PLCL1: variants seen among roughly 807,000 people sequenced by gnomAD.
PLCL1 encodes the protein phospholipase C like 1 (inactive), also known as inactive phospholipase C-like protein 1.
Under a neutral mutation model 84.4 loss-of-function variants are expected in PLCL1, and 41 were observed. That is an observed-to-expected ratio of 0.49 (90% CI 0.38 to 0.63). PLCL1 has a LOEUF of 0.63. Ranked by LOEUF, PLCL1 falls within the 30% of genes least tolerant of loss-of-function variation. The pLI is 0.00. For missense variants in PLCL1, 1,206 were observed against 1,367.8 expected, an observed-to-expected ratio of 0.88 and a Z score of 1.87; for synonymous variants, 490 against 488.3, an observed-to-expected ratio of 1.00 and a Z score of -0.05.
intron 3 of PLCL1, among the ~76,000 whole-genome samples, chr2:198,089,944 A>G (rs1412489021): frequency 6.6e-6 from 1 of 152,214 alleles, no homozygotes; most frequent in African/African-American, 2.4e-5. Flanking sequence ...ACCTCTGATC[A>G]AGAATTTAAG....
intron 1 of PLCL1, among the ~76,000 whole-genome samples, chr2:198,052,940 C>T (rs1691977156): frequency 6.6e-6 from 1 of 152,152 alleles, no homozygotes; most frequent in African/African-American, 2.4e-5. Flanking sequence ...TAAAAGTAAT[C>T]ATATGCTATA....
intron 1 of PLCL1, among the ~76,000 whole-genome samples, chr2:198,057,440 C>T (rs1399761217): frequency 2.6e-5 from 4 of 151,964 alleles, no homozygotes; most frequent in African/African-American, 9.7e-5. Flanking sequence ...TCTCGGTACA[C>T]CTTTAAGGCA....
At chr2:197,987,073 CAA>C (rs949719899) in intron 1 of PLCL1, among the ~76,000 whole-genome samples, 94 of 152,258 alleles carry the variant, frequency 6.2e-4, no homozygotes, top group African/African-American at 2.2e-3. Context: ...AACTCTCCGC[CAA>C]GTTTACTGAA....
chr2:197,806,687 C>T lies in PLCL1; in HGVS notation c.240+1348C>T, dbSNP rs139949335. ...ACTATTTTGTTTTTAACCCACAGGTCAGAAAGCACACTGTTTTCAAACTTA... is the reference window on the plus strand; with the variant it reads ...ACTATTTTGTTTTTAACCCACAGGTTAGAAAGCACACTGTTTTCAAACTTA... On this transcript the variant is annotated intron_variant, in intron 1 of 5. Transcript: ENST00000428675. 1.2e-3 allele frequency among the ~76,000 whole-genome samples: 183 copies of T among 152,270 alleles called. 3 individuals are homozygous for T. Among genetic ancestry groups the T allele is most frequent in the African/African-American group, 4.1e-3 (172 of 41,550 alleles).
In PLCL1 at chr2:198,084,885, T is replaced by C. The variant is rs776092609; in HGVS notation, c.1368T>C (p.Leu456=). ...ATGGTTCAGATAATGAACCAATCCTTTGTAATCGAAATAACATGACAACCC... is the reference window on the plus strand; with the variant it reads ...ATGGTTCAGATAATGAACCAATCCTCTGTAATCGAAATAACATGACAACCC... The part of the protein sequence containing the change: ...VSDGSDNEPI[L]CNRNNMTTHV... The change falls in exon 2 of 6, where the codon CTT becomes CTC. Residue 456 remains leucine, a synonymous_variant. Transcript: ENST00000428675. 4 of 1,614,034 alleles carry C rather than the reference T, an allele frequency of 2.5e-6. No homozygotes were observed. In the South Asian group the frequency reaches 3.3e-5, roughly 13 times the overall value.
intron 1 of PLCL1, among the ~76,000 whole-genome samples, chr2:197,881,124 C>T (rs1687819951): frequency 6.6e-6 from 1 of 152,142 alleles, no homozygotes; most frequent in East Asian, 1.9e-4. Context: ...GTATCTCCTA[C>T]TCCTAACACA....
intron 1 of PLCL1, among the ~76,000 whole-genome samples, chr2:198,027,544 TTAG>T (rs1160291936): frequency 3.9e-5 from 6 of 152,180 alleles, no homozygotes; most frequent in African/African-American, 1.2e-4. Context: ...AATGCAAATA[TTAG>T]TTGGCTCAAT....
At chr2:197,872,833 G>A (rs571110098) in intron 1 of PLCL1, among the ~76,000 whole-genome samples, 1 of 152,232 alleles carries the variant, frequency 6.6e-6, no homozygotes, top group East Asian at 1.9e-4. Context: ...ATAACTACAG[G>A]ATGACAGGCT....
At chr2:198,086,852 A>G (rs1692897358) in intron 2 of PLCL1, among the ~76,000 whole-genome samples, 1 of 152,214 alleles carries the variant, frequency 6.6e-6, no homozygotes, top group African/African-American at 2.4e-5. Flanking sequence ...AATATACAAT[A>G]TATGTGTGTA....
chr2:198,127,455 A>G (rs1694015612), intron 5 of PLCL1, among the ~76,000 whole-genome samples: 1 of 152,172 alleles, frequency 6.6e-6, no homozygotes, highest in Non-Finnish European at 1.5e-5. Context: ...ACTTTATTGG[A>G]CATAGTTTTA....
intron 1 of PLCL1, among the ~76,000 whole-genome samples, chr2:197,889,524 G>A (rs1319550716): frequency 6.6e-6 from 1 of 150,452 alleles, no homozygotes; most frequent in Non-Finnish European, 1.5e-5. Flanking sequence ...TTTTTTCTCC[G>A]ATTTACTTCA....
chr2:197,998,539 A>G (rs1333985723), intron 1 of PLCL1, among the ~76,000 whole-genome samples: 2 of 152,048 alleles, frequency 1.3e-5, no homozygotes, highest in Non-Finnish European at 2.9e-5. Flanking sequence ...GCCCACTCGA[A>G]CTACTTCCTC....
intron 1 of PLCL1, among the ~76,000 whole-genome samples, chr2:198,053,948 A>G (rs574341060): frequency 4.6e-5 from 7 of 152,330 alleles, no homozygotes; most frequent in Admixed American, 3.3e-4. Flanking sequence ...TTGCAGCTGC[A>G]GGAGTATTTA....
intron 1 of PLCL1, among the ~76,000 whole-genome samples, chr2:198,012,843 C>T (rs1013042908): frequency 1.3e-5 from 2 of 151,820 alleles, no homozygotes; most frequent in Admixed American, 1.3e-4. Flanking sequence ...GATGACAAAG[C>T]ATACCTTACA....
intron 5 of PLCL1, among the ~76,000 whole-genome samples, chr2:198,131,378 A>T (rs200951570): frequency 6.6e-6 from 1 of 152,174 alleles, no homozygotes; most frequent in Non-Finnish European, 1.5e-5. Context: ...TTCCACTATC[A>T]TAGCACTTTA....
chr2:197,845,467 A>G (rs1045744972), intron 1 of PLCL1, among the ~76,000 whole-genome samples: 4 of 152,172 alleles, frequency 2.6e-5, no homozygotes, highest in Non-Finnish European at 4.4e-5. Flanking sequence ...TGGAAAAAGA[A>G]GGCATAAAGG....
At chr2:197,992,069 T>C (rs76240819) in intron 1 of PLCL1, among the ~76,000 whole-genome samples, 1,778 of 152,144 alleles carry the variant, frequency 0.012, 35 homozygotes, top group African/African-American at 0.041. Flanking sequence ...ATTAGCAAGA[T>C]TTTTTTAATT....
At chr2:197,864,264 G>T (rs570278648) in intron 1 of PLCL1, among the ~76,000 whole-genome samples, 1 of 151,798 alleles carries the variant, frequency 6.6e-6, no homozygotes, top group Admixed American at 6.6e-5. Context: ...TGTTATCCTT[G>T]TCCCTCCAGG....
intron 1 of PLCL1, among the ~76,000 whole-genome samples, chr2:198,080,892 A>G (rs1692695806): frequency 6.6e-6 from 1 of 152,214 alleles, no homozygotes; most frequent in South Asian, 2.1e-4. Flanking sequence ...GCAAGAAATA[A>G]GCATTATGGG....
Sources: gnomAD v4.1 joint callset for allele counts (sites outside exome capture counted in the v4.1 genomes callset) on GRCh38, gnomAD v4.1.1 for gene constraint, MANE v1.5 for transcripts, NCBI Gene and HGNC (gene_info 2026-07-23, HGNC 2026-07-21) for gene names.